NRG3: variants seen among roughly 807,000 people sequenced by gnomAD.
The protein encoded by NRG3 is pro-neuregulin-3, membrane-bound isoform.
In NRG3, 31 loss-of-function variants were observed where a neutral mutation model predicts 66.9. That is an observed-to-expected ratio of 0.46 (90% CI 0.35 to 0.63). The LOEUF is 0.63. NRG3 is among the 20% of genes least tolerant of loss of function. NRG3 has a pLI of 0.00. For synonymous variants in NRG3, 393 were observed against 359.4 expected, an observed-to-expected ratio of 1.09 and a Z score of -1.06; for missense variants, 910 against 878.9, an observed-to-expected ratio of 1.04 and a Z score of -0.45.
chr10:82,536,416 A>G (rs1019633586), intron 2 of NRG3, among the ~76,000 whole-genome samples: 4 of 152,212 alleles, frequency 2.6e-5, no homozygotes, highest in Admixed American at 1.3e-4. Context: ...GCATAGAGTT[A>G]GGGGTCAGAA....
In NRG3 at chr10:82,537,772, G is replaced by A. The variant is rs965979601; in HGVS notation, c.953+178904G>A. Among the ~76,000 whole-genome samples the A allele has an allele frequency of 3.3e-5, 5 of 151,888 alleles. 1 individual carries two copies. Among genetic ancestry groups the A allele is most frequent in the African/African-American group, 2.4e-5 (1 of 41,330 alleles). The stretch of plus-strand genomic sequence containing the variant: ...GGTATTAATATATCCTATGGCTTTG[G>A]ACAAATAGATTTACCACTTGACCTC... On this transcript the variant is annotated intron_variant, in intron 2 of 8. Transcript: ENST00000372141.
chr10:82,879,467 C>CTTTT lies in NRG3; in HGVS notation c.1054+14050_1054+14053dup, dbSNP rs201614818. The stretch of plus-strand genomic sequence containing the variant: ...AAAAATGGTATTAATCTAATGAAGA[C>CTTTT]TTTTTTTTTTTTTTTTTTTTTTTGA... On this transcript the variant is annotated intron_variant, in intron 4 of 8. Coordinates refer to ENST00000372141, the MANE Select transcript of NRG3 (RefSeq NM_001010848.4). 8.0e-3 allele frequency among the ~76,000 whole-genome samples: 968 copies of CTTTT among 121,694 alleles called. 41 individuals carry two copies. The highest frequency in any genetic ancestry group is 0.02 in the African/African-American group (630 of 31,792). The allele number at this position is 121,694 out of a possible 152,430, so 79.8% of individuals were successfully genotyped here.
chr10:82,583,957 A>C (rs2046516448), intron 2 of NRG3, among the ~76,000 whole-genome samples: 1 of 152,226 alleles, frequency 6.6e-6, no homozygotes, highest in South Asian at 2.1e-4. Context: ...CCTTATTTAT[A>C]ACCCTTATTT....
intron 3 of NRG3, among the ~76,000 whole-genome samples, chr10:82,760,368 G>A (rs1490710377): frequency 1.3e-5 from 2 of 152,072 alleles, no homozygotes; most frequent in Admixed American, 6.6e-5. Context: ...CTTCATAAGA[G>A]AATTGTCAGC....
chr10:82,210,946 A>G (rs2075365250), intron 1 of NRG3, among the ~76,000 whole-genome samples: 2 of 151,186 alleles, frequency 1.3e-5, no homozygotes, highest in Admixed American at 1.3e-4. Flanking sequence ...AAGGCTGCAT[A>G]TCTTGGTATA....
At chr10:82,807,390 T>C (rs2061334172) in intron 3 of NRG3, among the ~76,000 whole-genome samples, 1 of 152,198 alleles carries the variant, frequency 6.6e-6, no homozygotes, top group African/African-American at 2.4e-5. Context: ...ACTTTGTGTC[T>C]GGGGATTTGC....
intron 1 of NRG3, among the ~76,000 whole-genome samples, chr10:81,990,441 C>G (rs933271205): frequency 5.9e-5 from 9 of 152,158 alleles, no homozygotes; most frequent in Admixed American, 3.9e-4. Context: ...CTTTAGATTA[C>G]TTATCCTCTT....
intron 1 of NRG3, among the ~76,000 whole-genome samples, chr10:82,312,520 G>T (rs1241980184): frequency 1.3e-5 from 2 of 152,164 alleles, no homozygotes; most frequent in Non-Finnish European, 2.9e-5. Flanking sequence ...AGCTCCTGCC[G>T]TGAAAGTTTG....
intron 4 of NRG3, among the ~76,000 whole-genome samples, chr10:82,942,355 T>G (rs1193548776): frequency 7.2e-5 from 11 of 152,218 alleles, no homozygotes; most frequent in Non-Finnish European, 7.3e-5. Context: ...CTTAACAAGT[T>G]TCTATGGAGA....
intron 1 of NRG3, among the ~76,000 whole-genome samples, chr10:82,187,968 AAC>A (rs1259280304): frequency 2.0e-5 from 3 of 152,080 alleles, no homozygotes; most frequent in African/African-American, 7.2e-5. Context: ...GAAAAAAAAA[AAC>A]GTAAAATGTA....
At chr10:82,402,650 C>G (rs1418055518) in intron 2 of NRG3, among the ~76,000 whole-genome samples, 2 of 152,090 alleles carry the variant, frequency 1.3e-5, no homozygotes, top group African/African-American at 2.4e-5. Flanking sequence ...TATCACTAAC[C>G]TGAATCTTTT....
chr10:82,676,604 C>G (rs1371486612), intron 2 of NRG3, among the ~76,000 whole-genome samples: 3 of 152,056 alleles, frequency 2.0e-5, no homozygotes, highest in African/African-American at 7.2e-5. Context: ...CTGCCTCAGC[C>G]TCCCGAGTAG....
intron 1 of NRG3, among the ~76,000 whole-genome samples, chr10:81,935,278 T>C (rs955401272): frequency 6.6e-6 from 1 of 152,212 alleles, no homozygotes; most frequent in Non-Finnish European, 1.5e-5. Context: ...TCATGTGTCC[T>C]TAGGTATTAA....
intron 1 of NRG3, among the ~76,000 whole-genome samples, chr10:81,951,122 T>C (rs1006008605): frequency 6.6e-6 from 1 of 152,168 alleles, no homozygotes; most frequent in African/African-American, 2.4e-5. Context: ...ATGTGGCTGC[T>C]GAAATTTTCC....
intron 1 of NRG3, among the ~76,000 whole-genome samples, chr10:81,893,922 C>G (rs1843264888): frequency 6.6e-6 from 1 of 152,138 alleles, no homozygotes. Context: ...TCCTGAAACT[C>G]AAGAACAGTG....
intron 2 of NRG3, among the ~76,000 whole-genome samples, chr10:82,648,889 G>T (rs1447506489): frequency 1.3e-5 from 2 of 152,142 alleles, no homozygotes; most frequent in Non-Finnish European, 2.9e-5. Context: ...TTGCTGATCA[G>T]CTTAAGGAGA....
At chr10:82,496,388 G>A (rs1360913362) in intron 2 of NRG3, among the ~76,000 whole-genome samples, 1 of 151,928 alleles carries the variant, frequency 6.6e-6, no homozygotes, top group Non-Finnish European at 1.5e-5. Flanking sequence ...TCTATTTCTG[G>A]GGGAGTCAGC....
rs148444211 is a variant in NRG3, at chr10:82,741,303, G to C, written c.1027+2653G>C. 4.2e-3 allele frequency among the ~76,000 whole-genome samples: 644 copies of C among 152,238 alleles called. 9 individuals carry two copies. Among genetic ancestry groups the C allele is most frequent in the African/African-American group, 0.014 (590 of 41,550 alleles). ...GGCCCTGAGGATCCCGCAGATTAGT[G>C]AGGGGGAAAAACATGTGGATATATA... On this transcript the variant is annotated intron_variant, in intron 3 of 8. Coordinates refer to ENST00000372141, the MANE Select transcript of NRG3 (RefSeq NM_001010848.4).
At chr10:82,763,331 G>T (rs562856088) in intron 3 of NRG3, among the ~76,000 whole-genome samples, 1 of 152,090 alleles carries the variant, frequency 6.6e-6, no homozygotes, top group Non-Finnish European at 1.5e-5. Context: ...AAGTATTAAA[G>T]AAATATCCAT....
Sources: gnomAD v4.1 joint callset for allele counts (sites outside exome capture counted in the v4.1 genomes callset) on GRCh38, gnomAD v4.1.1 for gene constraint, MANE v1.5 for transcripts, NCBI Gene and HGNC (gene_info 2026-07-23, HGNC 2026-07-21) for gene names.